UGT1A10: variants seen among roughly 807,000 people sequenced by gnomAD.
UGT1A10 encodes the protein UDP-glucuronosyltransferase 1A10.
Under a neutral mutation model 45.8 loss-of-function variants are expected in UGT1A10, and 49 were observed. The ratio of observed to expected loss-of-function variants is 1.07; its 90% CI spans 0.85 to 1.36. The LOEUF is 1.36. Ranked by LOEUF, UGT1A10 falls within the 40% of genes most tolerant of loss-of-function variation. The pLI, the probability that UGT1A10 is intolerant of heterozygous loss-of-function variation, is 0.00. For synonymous variants in UGT1A10, 284 were observed against 249.7 expected, an observed-to-expected ratio of 1.14 and a Z score of -1.29; for missense variants, 745 against 668.6, an observed-to-expected ratio of 1.11 and a Z score of -1.26.
In UGT1A10 at chr2:233,768,069, G is replaced by T. The variant is rs191770279; in HGVS notation, c.1075+133G>T. ...CATATCCTACATTGCTTTTTATCTAGTGGGGTATCTCAACCCACATTTTCT... is the reference window on the plus strand; with the variant it reads ...CATATCCTACATTGCTTTTTATCTATTGGGGTATCTCAACCCACATTTTCT... On this transcript the variant is annotated intron_variant, in intron 3 of 4. Transcript: ENST00000344644. The T allele has an allele frequency of 3.1e-6, 5 of 1,596,368 alleles. No homozygotes were observed. In the East Asian group the frequency reaches 1.1e-4, roughly 36 times the overall value.
At chr2:233,661,743 G>T (rs2073976031) in intron 1 of UGT1A10, among the ~76,000 whole-genome samples, 1 of 143,476 alleles carries the variant, frequency 7.0e-6, no homozygotes, top group African/African-American at 2.6e-5. Flanking sequence ...AACCACAGCT[G>T]CAGTCCTCAA....
chr2:233,747,593 T>A (rs1693725336), intron 1 of UGT1A10: 2 of 1,577,004 alleles, frequency 1.3e-6, no homozygotes, highest in Non-Finnish European at 1.7e-6. Flanking sequence ...TTCATAGGTC[T>A]TGTGTGGAGC....
intron 1 of UGT1A10, among the ~76,000 whole-genome samples, chr2:233,697,374 A>G (rs1382201272): frequency 6.6e-6 from 1 of 152,066 alleles, no homozygotes; most frequent in Non-Finnish European, 1.5e-5. Context: ...TATAGAGTTC[A>G]CAATAATCGC....
intron 1 of UGT1A10, among the ~76,000 whole-genome samples, chr2:233,639,655 G>A (rs1473572166): frequency 2.6e-5 from 4 of 152,126 alleles, no homozygotes; most frequent in Non-Finnish European, 5.9e-5. Context: ...CCCTGCACAG[G>A]GGATTTCTTG....
chr2:233,661,623 T>TTTTCTTTCCTTC lies in UGT1A10; in HGVS notation c.855+24254_855+24255insCTTCTTTCTTTC, dbSNP rs1553602618. Among the ~76,000 whole-genome samples the TTTTCTTTCCTTC allele has an allele frequency of 2.2e-3, 275 of 124,046 alleles. 2 individuals carry two copies. The highest frequency in any genetic ancestry group is 8.3e-3 in the African/African-American group (260 of 31,332). 81.4% of individuals were successfully genotyped at this position (124,046 alleles called of 152,430 possible). A position where few individuals can be genotyped will look rare whatever the true frequency, so the allele number is the denominator to read the frequency against. On this transcript the variant is annotated intron_variant, in intron 1 of 4. Transcript: ENST00000344644. Reference sequence around the variant, plus strand: ...ATCACTGCAGTGAAGACTTACTGAATTTTCTTTCTTTCTTTCTTTCTTTCT... The same window carrying TTTTCTTTCCTTC: ...ATCACTGCAGTGAAGACTTACTGAATTTTCTTTCCTTCTTTCTTTCTTTCTTTCTTTCTTTCT...
At chr2:233,759,330 G>A (rs1053848979) in intron 1 of UGT1A10, among the ~76,000 whole-genome samples, 20 of 152,160 alleles carry the variant, frequency 1.3e-4, no homozygotes, top group Admixed American at 1.3e-3. Flanking sequence ...TTAATTGGTT[G>A]GTTCAGGTGA....
At chr2:233,743,654 T>C in intron 1 of UGT1A10, 1 of 1,367,284 alleles carries the variant, frequency 7.3e-7, no homozygotes, top group Non-Finnish European at 9.8e-7. Context: ...GAAGACGTAC[T>C]CGAAGGGGTC....
chr2:233,677,907 A>G (rs1575422443), intron 1 of UGT1A10, among the ~76,000 whole-genome samples: 1 of 152,210 alleles, frequency 6.6e-6, no homozygotes, highest in South Asian at 2.1e-4. Context: ...TAGAAAAGAC[A>G]TGAAATCAAC....
chr2:233,676,876 G>C (rs182467712), intron 1 of UGT1A10, among the ~76,000 whole-genome samples: 140 of 152,184 alleles, frequency 9.2e-4, no homozygotes, highest in African/African-American at 3.1e-3. Flanking sequence ...GTAAAAACTT[G>C]GTTGTTCATA....
At chr2:233,733,488 A>G (rs1340566594) in intron 1 of UGT1A10, among the ~76,000 whole-genome samples, 1 of 152,156 alleles carries the variant, frequency 6.6e-6, no homozygotes, top group African/African-American at 2.4e-5. Context: ...TTCCATCAAT[A>G]CCTAGTTTAT....
At chr2:233,728,994 A>G in intron 1 of UGT1A10, 1 of 1,552,012 alleles carries the variant, frequency 6.4e-7, no homozygotes, top group Non-Finnish European at 8.7e-7. Flanking sequence ...AATTAACTAG[A>G]GGAGGGCACT....
chr2:233,647,245 C>G (rs997180294), intron 1 of UGT1A10, among the ~76,000 whole-genome samples: 1 of 152,138 alleles, frequency 6.6e-6, no homozygotes, highest in African/African-American at 2.4e-5. Flanking sequence ...TCAAGATGAG[C>G]TTTGGGTGGG....
intron 3 of UGT1A10, 63 bp downstream of exon 3, chr2:233,767,999 A>G: frequency 6.2e-7 from 1 of 1,614,190 alleles, no homozygotes; most frequent in Non-Finnish European, 8.5e-7. Context: ...TGGCTTAAGC[A>G]CAGCTATTCT....
chr2:233,709,352 A>G (rs1366847300), intron 1 of UGT1A10, among the ~76,000 whole-genome samples: 2 of 152,340 alleles, frequency 1.3e-5, no homozygotes, highest in East Asian at 1.9e-4. Flanking sequence ...ACCTATTACT[A>G]TATAGATTTT....
intron 1 of UGT1A10, among the ~76,000 whole-genome samples, chr2:233,714,159 T>G (rs1363144328): frequency 6.6e-6 from 1 of 152,178 alleles, no homozygotes; most frequent in Non-Finnish European, 1.5e-5. Flanking sequence ...TGGCTGTGGA[T>G]GTGCTTCAGC....
In UGT1A10 at chr2:233,637,331, T is replaced by A. The variant is rs1431235247; in HGVS notation, c.809T>A (p.Ile270Asn). 1.2e-6 allele frequency: 2 copies of A among 1,613,854 alleles called. No individual in the cohort carries two copies. The highest frequency in any genetic ancestry group is 1.6e-4 in the Middle Eastern group (1 of 6,078). Residue 270 changes from isoleucine to asparagine, a missense_variant, in exon 1 of 5, where the codon ATC becomes AAC. Coordinates refer to ENST00000344644, the MANE Select transcript of UGT1A10 (RefSeq NM_019075.4). ...CCCAAACCCGTGATGCCCAACATGA[T>A]CTTCATTGGTGGTATCAACTGTCAT... The part of the protein sequence containing the change: ...DYPKPVMPNM[I>N]FIGGINCHQG...
chr2:233,710,376 T>C (rs538501974), intron 1 of UGT1A10, among the ~76,000 whole-genome samples: 1 of 152,360 alleles, frequency 6.6e-6, no homozygotes, highest in South Asian at 2.1e-4. Flanking sequence ...TTTACATTCC[T>C]AACAGCAACG....
chr2:233,713,954 C>T (rs1224716390), intron 1 of UGT1A10: 55 of 1,607,802 alleles, frequency 3.4e-5, no homozygotes, highest in Non-Finnish European at 4.7e-5. Context: ...ACTTATCTTT[C>T]CAAAGATTTC....
chr2:233,657,793 T>C (rs984663054), intron 1 of UGT1A10, among the ~76,000 whole-genome samples: 8 of 152,240 alleles, frequency 5.3e-5, no homozygotes, highest in Non-Finnish European at 5.9e-5. Context: ...TTGCCATCTG[T>C]ATATGTTCTT....
Sources: gnomAD v4.1 joint callset for allele counts (sites outside exome capture counted in the v4.1 genomes callset) on GRCh38, gnomAD v4.1.1 for gene constraint, MANE v1.5 for transcripts, NCBI Gene and HGNC (gene_info 2026-07-23, HGNC 2026-07-21) for gene names.